CACNA2D1: variants seen among roughly 807,000 people sequenced by gnomAD.
CACNA2D1 encodes calcium voltage-gated channel auxiliary subunit alpha2delta 1.
CACNA2D1 carries 53 observed loss-of-function variants against 171.5 expected under a neutral mutation model. The ratio of observed to expected loss-of-function variants is 0.31; its 90% CI spans 0.25 to 0.39. The LOEUF (loss-of-function observed/expected upper bound fraction) is 0.39, where lower values mean the gene tolerates loss of function less well. Among genes scored for constraint, CACNA2D1 ranks in the 10% least tolerant of loss-of-function variants. CACNA2D1 has a pLI of 1.00. For missense variants in CACNA2D1, 903 were observed against 1,299.8 expected, an observed-to-expected ratio of 0.69 and a Z score of 4.69; for synonymous variants, 442 against 443.1, an observed-to-expected ratio of 1.00 and a Z score of 0.03.
intron 4 of CACNA2D1, among the ~76,000 whole-genome samples, chr7:82,164,005 T>C (rs1335242654): frequency 6.6e-6 from 1 of 151,924 alleles, no homozygotes; most frequent in Non-Finnish European, 1.5e-5. Context: ...TAGGCTATTA[T>C]TTTGCTAAAA....
intron 6 of CACNA2D1, among the ~76,000 whole-genome samples, chr7:82,090,829 C>T (rs937247266): frequency 5.3e-5 from 8 of 152,080 alleles, no homozygotes; most frequent in African/African-American, 1.9e-4. Context: ...TTAGATTCAA[C>T]ACTTATTGTA....
chr7:81,994,592 T>A (rs1327152204), intron 20 of CACNA2D1, among the ~76,000 whole-genome samples: 1 of 152,046 alleles, frequency 6.6e-6, no homozygotes, highest in African/African-American at 2.4e-5. Context: ...AAAATATGTA[T>A]GTAAAATATA....
At chr7:82,398,422 G>A (rs1420245568) in intron 1 of CACNA2D1, among the ~76,000 whole-genome samples, 2 of 152,178 alleles carry the variant, frequency 1.3e-5, no homozygotes, top group East Asian at 3.9e-4. Context: ...TATGTGGTGA[G>A]TAAATACATA....
At chr7:82,120,209 G>C (rs1348042549) in intron 5 of CACNA2D1, among the ~76,000 whole-genome samples, 4 of 152,088 alleles carry the variant, frequency 2.6e-5, no homozygotes, top group Admixed American at 6.6e-5. Context: ...GTGTGTGTGT[G>C]CATGTGTGTA....
At chr7:82,073,846 C>T (rs1808636229) in intron 7 of CACNA2D1, among the ~76,000 whole-genome samples, 1 of 152,096 alleles carries the variant, frequency 6.6e-6, no homozygotes, top group African/African-American at 2.4e-5. Flanking sequence ...GGTGATCCGC[C>T]TGCCTCGGCC....
At chr7:82,320,965 A>AC (rs1322215798) in intron 3 of CACNA2D1, among the ~76,000 whole-genome samples, 4 of 152,044 alleles carry the variant, frequency 2.6e-5, no homozygotes, top group African/African-American at 9.7e-5. Context: ...AAAGCCAAAA[A>AC]CTTATATAAA....
rs530696118 is a variant in CACNA2D1 at position 82,043,923 on chromosome 7, T to C, written c.880-5688A>G. Among the ~76,000 whole-genome samples, 37 of 152,334 alleles carry C rather than the reference T, an allele frequency of 2.4e-4. No individual in the cohort carries two copies. The South Asian group carries it at 7.7e-3, about 32-fold the overall frequency. Reference sequence around the variant, plus strand: ...TGAATGGTTTAGTGCAGTCAAGTAGTTCTGCACTGGAAACATTAAGAATTA... The same window carrying C: ...TGAATGGTTTAGTGCAGTCAAGTAGCTCTGCACTGGAAACATTAAGAATTA... On this transcript the variant is annotated intron_variant, in intron 10 of 38. Transcript: ENST00000356860.
intron 3 of CACNA2D1, among the ~76,000 whole-genome samples, chr7:82,209,257 C>T (rs1035431158): frequency 6.6e-6 from 1 of 152,186 alleles, no homozygotes. Flanking sequence ...CTCTTCACTT[C>T]TACTTATTCA....
chr7:82,221,260 T>A (rs1585137898), intron 3 of CACNA2D1, among the ~76,000 whole-genome samples: 1 of 152,232 alleles, frequency 6.6e-6, no homozygotes, highest in African/African-American at 2.4e-5. Flanking sequence ...TACTCCTCAA[T>A]GTCCTTGGAC....
intron 36 of CACNA2D1, among the ~76,000 whole-genome samples, chr7:81,961,641 T>A (rs1340862663): frequency 6.6e-6 from 1 of 151,950 alleles, no homozygotes; most frequent in Admixed American, 6.6e-5. Context: ...ATCTTGATCA[T>A]GTAATTATTA....
intron 3 of CACNA2D1, among the ~76,000 whole-genome samples, chr7:82,288,706 C>T (rs1811157885): frequency 6.6e-6 from 1 of 152,174 alleles, no homozygotes; most frequent in South Asian, 2.1e-4. Context: ...CACCTGACAA[C>T]TGGGACCCAA....
chr7:82,330,594 C>T (rs1335063665), intron 3 of CACNA2D1, among the ~76,000 whole-genome samples: 1 of 152,010 alleles, frequency 6.6e-6, no homozygotes, highest in Non-Finnish European at 1.5e-5. Flanking sequence ...TTTCCAAACT[C>T]AAATAAAAAT....
chr7:82,184,615 G>C (rs947815135), intron 3 of CACNA2D1, among the ~76,000 whole-genome samples: 1 of 151,894 alleles, frequency 6.6e-6, no homozygotes, highest in African/African-American at 2.4e-5. Flanking sequence ...ACGTTTTTTA[G>C]ATATAAAGCT....
At chr7:82,100,069 T>A (rs1336380984) in intron 6 of CACNA2D1, among the ~76,000 whole-genome samples, 2 of 151,836 alleles carry the variant, frequency 1.3e-5, no homozygotes, top group Non-Finnish European at 2.9e-5. Context: ...TTAAAAAAAA[T>A]AAGAAAAATA....
At chr7:82,236,988 T>C (rs1198512082) in intron 3 of CACNA2D1, among the ~76,000 whole-genome samples, 1 of 151,976 alleles carries the variant, frequency 6.6e-6, no homozygotes, top group African/African-American at 2.4e-5. Flanking sequence ...TCTAACTCAG[T>C]ATTTTAATCC....
chr7:82,293,373 A>T (rs2129418104), intron 3 of CACNA2D1, among the ~76,000 whole-genome samples: 1 of 152,118 alleles, frequency 6.6e-6, no homozygotes, highest in South Asian at 2.1e-4. Flanking sequence ...ATCTTTGTTT[A>T]TCCATATTTA....
intron 3 of CACNA2D1, among the ~76,000 whole-genome samples, chr7:82,294,244 T>C (rs1002734102): frequency 2.0e-5 from 3 of 152,124 alleles, no homozygotes; most frequent in Middle Eastern, 3.2e-3. Context: ...TAAAAGTACT[T>C]AAAATTGACA....
rs536028118 is a variant in CACNA2D1, at chr7:82,388,071, A to C, written c.96-38422T>G. Among the ~76,000 whole-genome samples, 3 of 147,212 alleles carry C rather than the reference A, an allele frequency of 2.0e-5. No homozygotes were observed. In the South Asian group the frequency reaches 6.4e-4, roughly 31 times the overall value. ...AGTGAGACCCTGTCTCCAAAAAAAAAAAAAAACAAAAACAAAAACAAACAA... is the reference window on the plus strand; with the variant it reads ...AGTGAGACCCTGTCTCCAAAAAAAACAAAAAACAAAAACAAAAACAAACAA... On this transcript the variant is annotated intron_variant, in intron 1 of 38. Coordinates refer to ENST00000356860, the MANE Select transcript of CACNA2D1 (RefSeq NM_000722.4).
At chr7:82,332,475 A>T (rs1817427416) in intron 3 of CACNA2D1, among the ~76,000 whole-genome samples, 1 of 150,974 alleles carries the variant, frequency 6.6e-6, no homozygotes, top group African/African-American at 2.4e-5. Context: ...CATAATATAA[A>T]GAAAGAAACG....
Sources: allele counts gnomAD v4.1 joint callset (sites outside exome capture counted in the v4.1 genomes callset), GRCh38; gene constraint gnomAD v4.1.1; transcripts MANE v1.5; gene names NCBI Gene and HGNC (gene_info 2026-07-23, HGNC 2026-07-21).